The following SKAP2 variants were observed in gnomAD, a reference collection of about 807,000 sequenced individuals.
The protein encoded by SKAP2 is src kinase-associated phosphoprotein 2.
In SKAP2, 28 loss-of-function variants were observed where a neutral mutation model predicts 54.9. The ratio of observed to expected loss-of-function variants is 0.51; its 90% CI spans 0.38 to 0.70. The LOEUF (loss-of-function observed/expected upper bound fraction) is 0.70, where lower values mean the gene tolerates loss of function less well. SKAP2 is among the 30% of genes least tolerant of loss of function. The probability of loss-of-function intolerance (pLI) is 0.00; values close to 1 mark genes in which losing one functional copy is unlikely to be tolerated. For missense variants in SKAP2, 356 were observed against 424.1 expected (o/e 0.84, Z 1.41); for synonymous variants, 137 against 134.3 (o/e 1.02, Z -0.14).
chr7:26,843,027 A>C (rs942382421), intron 4 of SKAP2, among the ~76,000 whole-genome samples: 2 of 152,080 alleles, frequency 1.3e-5, no homozygotes, highest in African/African-American at 2.4e-5. Context: ...ATCACTGGTT[A>C]GAATGTTTAT....
chr7:26,778,252 T>C (rs1783355589), intron 4 of SKAP2, among the ~76,000 whole-genome samples: 1 of 152,110 alleles, frequency 6.6e-6, no homozygotes, highest in African/African-American at 2.4e-5. Flanking sequence ...CGGCTGGGTT[T>C]AGCCTAGGCT....
chr7:26,777,938 T>C (rs1783347621), intron 4 of SKAP2, among the ~76,000 whole-genome samples: 1 of 152,066 alleles, frequency 6.6e-6, no homozygotes, highest in African/African-American at 2.4e-5. Context: ...GAACTGATTA[T>C]AGGTATTTAA....
At chr7:26,763,755 A>T (rs1356758269) in intron 4 of SKAP2, among the ~76,000 whole-genome samples, 5 of 152,154 alleles carry the variant, frequency 3.3e-5, no homozygotes, top group African/African-American at 1.2e-4. Flanking sequence ...GTACTTACAC[A>T]AACTTAGATG....
rs140944912 is a variant in SKAP2, at chr7:26,844,080, A to G, written c.257T>C (p.Ile86Thr). 58 of 1,612,902 alleles carry G rather than the reference A, an allele frequency of 3.6e-5. No individual in the cohort carries two copies. The highest frequency in any genetic ancestry group is 1.7e-4 in the African/African-American group (13 of 74,832). ...DDPFAGPPDT[I>T]SLASERYDKD... Reference sequence around the variant, plus strand: ...ATCATATCGTTCTGAGGCTAATGAAATAGTGTCTGGAGGCCCAGCAAAAGG... The same window carrying G: ...ATCATATCGTTCTGAGGCTAATGAAGTAGTGTCTGGAGGCCCAGCAAAAGG... Residue 86 changes from isoleucine (I) to threonine (T), a missense_variant, in exon 4 of 13, where the codon ATT becomes ACT. Coordinates refer to ENST00000345317, the MANE Select transcript of SKAP2 (RefSeq NM_003930.5).
intron 1 of SKAP2, among the ~76,000 whole-genome samples, chr7:26,862,708 T>G (rs1403284409): frequency 6.6e-6 from 1 of 152,048 alleles, no homozygotes; most frequent in African/African-American, 2.4e-5. Context: ...GATAAGAGAA[T>G]AAAGGTTCTC....
intron 4 of SKAP2, among the ~76,000 whole-genome samples, chr7:26,804,484 T>C (rs928113682): frequency 4.6e-4 from 70 of 152,290 alleles, no homozygotes; most frequent in African/African-American, 1.7e-3. Flanking sequence ...TTCAGGCCCG[T>C]AATCCCAGCA....
chr7:26,725,787 G>A (rs2127955968), intron 8 of SKAP2, 136 bp downstream of exon 8: 2 of 812,822 alleles, frequency 2.5e-6, no homozygotes, highest in South Asian at 1.6e-5. Context: ...TGAAGTGAGT[G>A]GTCTGTATTA....
intron 3 of SKAP2, among the ~76,000 whole-genome samples, chr7:26,849,954 G>A (rs1389244315): frequency 6.6e-6 from 1 of 152,020 alleles, no homozygotes; most frequent in Admixed American, 6.6e-5. Context: ...ATTCTATAAA[G>A]AAAGTAATCA....
intron 11 of SKAP2, among the ~76,000 whole-genome samples, chr7:26,683,175 T>C (rs564548942): frequency 1.3e-5 from 2 of 152,324 alleles, no homozygotes; most frequent in South Asian, 2.1e-4. Context: ...CTGTGAGCTA[T>C]ATAAATTTAG....
At chr7:26,745,112 T>C (rs1782534434) in intron 4 of SKAP2, among the ~76,000 whole-genome samples, 1 of 149,056 alleles carries the variant, frequency 6.7e-6, no homozygotes, top group Admixed American at 6.6e-5. Flanking sequence ...CCTTTTCTAG[T>C]TGGCATTTAT....
chr7:26,782,318 T>C (rs910069499), intron 4 of SKAP2, among the ~76,000 whole-genome samples: 2 of 152,230 alleles, frequency 1.3e-5, no homozygotes, highest in Admixed American at 6.5e-5. Flanking sequence ...TAAAATCAGA[T>C]GTAAAGCTAC....
At chr7:26,849,442 G>C (rs1784993372) in intron 3 of SKAP2, among the ~76,000 whole-genome samples, 1 of 152,006 alleles carries the variant, frequency 6.6e-6, no homozygotes, top group South Asian at 2.1e-4. Flanking sequence ...CCGGCACTTT[G>C]GGAGGCCAAG....
chr7:26,718,671 A>G (rs1787514541), intron 9 of SKAP2, among the ~76,000 whole-genome samples: 1 of 151,858 alleles, frequency 6.6e-6, no homozygotes, highest in Non-Finnish European at 1.5e-5. Flanking sequence ...ACGCCCAGCT[A>G]ATTTTTGTAT....
intron 4 of SKAP2, among the ~76,000 whole-genome samples, chr7:26,779,890 A>G (rs1783390259): frequency 6.6e-6 from 1 of 152,066 alleles, no homozygotes; most frequent in South Asian, 2.1e-4. Context: ...AATAATTTCT[A>G]TTTGAAATTA....
chr7:26,801,857 C>T (rs927452078), intron 4 of SKAP2, among the ~76,000 whole-genome samples: 2 of 151,962 alleles, frequency 1.3e-5, no homozygotes, highest in Non-Finnish European at 2.9e-5. Context: ...TTGAAGATGA[C>T]ACCTAAAAAT....
At chr7:26,677,923 C>A (rs1039706415) in intron 11 of SKAP2, among the ~76,000 whole-genome samples, 9 of 152,318 alleles carry the variant, frequency 5.9e-5, no homozygotes, top group African/African-American at 1.7e-4. Context: ...TTGTTTAGAA[C>A]TGGGATGTGA....
intron 11 of SKAP2, among the ~76,000 whole-genome samples, chr7:26,683,574 A>G (rs1390090975): frequency 6.6e-6 from 1 of 150,910 alleles, no homozygotes. Context: ...GGAAAGAAGG[A>G]GCACAGGAAA....
At chr7:26,812,614 A>G (rs969271803) in intron 4 of SKAP2, among the ~76,000 whole-genome samples, 3 of 152,190 alleles carry the variant, frequency 2.0e-5, no homozygotes, top group Non-Finnish European at 4.4e-5. Context: ...TATGTTAAAC[A>G]ATGGGTTTAA....
chr7:26,723,895 A>G (rs1480634417), intron 9 of SKAP2, among the ~76,000 whole-genome samples: 1 of 152,154 alleles, frequency 6.6e-6, no homozygotes, highest in Non-Finnish European at 1.5e-5. Flanking sequence ...TCTTTTAAAC[A>G]TTTTTAAATA....
Sources: allele counts gnomAD v4.1 joint callset (sites outside exome capture counted in the v4.1 genomes callset), GRCh38; gene constraint gnomAD v4.1.1; transcripts MANE v1.5; gene names NCBI Gene and HGNC (gene_info 2026-07-23, HGNC 2026-07-21).